The following RPS6KA2 variants were observed in gnomAD, a reference collection of about 807,000 sequenced individuals.
The protein encoded by RPS6KA2 is ribosomal protein S6 kinase alpha-2.
Under a neutral mutation model 91.8 loss-of-function variants are expected in RPS6KA2, and 42 were observed. The observed-to-expected ratio is 0.46, with a 90% CI of 0.36 to 0.59. The LOEUF is 0.59. Ranked by LOEUF, RPS6KA2 falls within the 20% of genes least tolerant of loss-of-function variation. The probability of loss-of-function intolerance (pLI) is 0.00; values close to 1 mark genes in which losing one functional copy is unlikely to be tolerated. For synonymous variants in RPS6KA2, 414 were observed against 393.6 expected (o/e 1.05, Z -0.61); for missense variants, 798 against 978.5 (o/e 0.82, Z 2.46).
At chr6:166,486,961 G>A (rs1334442213) in intron 10 of RPS6KA2, among the ~76,000 whole-genome samples, 5 of 152,290 alleles carry the variant, frequency 3.3e-5, no homozygotes, top group East Asian at 1.9e-4. Flanking sequence ...AGCCGTGGCC[G>A]AGACACCGTC....
rs184769583 is a variant in RPS6KA2, at chr6:166,437,742, A to G, written c.1333-5252T>C. The stretch of plus-strand genomic sequence containing the variant: ...TTCCTGAGCACGGACACATGCAGCC[A>G]TGTGCCAAACAAACACTGCCATTCC... On this transcript the variant is annotated intron_variant, in intron 14 of 20. Transcript: ENST00000265678. This position sits in a 1 kb window ranked among gnomAD's most constrained non-coding sequence, Gnocchi z 4.3. 8.5e-5 allele frequency among the ~76,000 whole-genome samples: 13 copies of G among 152,296 alleles called. 1 individual carries two copies. Among genetic ancestry groups the G allele is most frequent in the Admixed American group, 8.5e-4 (13 of 15,310 alleles).
rs1194174324 is a variant in RPS6KA2 at position 166,494,073 on chromosome 6, C to A, written c.748-3332G>T. On this transcript the variant is annotated intron_variant, in intron 8 of 20. Coordinates refer to ENST00000265678, the MANE Select transcript of RPS6KA2 (RefSeq NM_021135.6). The surrounding 1 kb of genome is among the most constrained non-coding windows in gnomAD (Gnocchi z 5.1). ...ACCATTCTTAAAAGGGCACCAAAAG[C>A]AAGCTAACATTTTAATCTGAAAACA... Among the ~76,000 whole-genome samples the A allele has an allele frequency of 2.0e-5, 3 of 152,188 alleles. No homozygotes were observed. The highest frequency in any genetic ancestry group is 7.2e-5 in the African/African-American group (3 of 41,438).
chr6:166,807,575 G>C (rs1285962242), intron 2 of RPS6KA2, among the ~76,000 whole-genome samples: 2 of 151,808 alleles, frequency 1.3e-5, no homozygotes, highest in Non-Finnish European at 2.9e-5. Context: ...ATCTTAGTCT[G>C]AGTAGCAGCC....
chr6:166,597,815 G>A (rs890069539), intron 1 of RPS6KA2, among the ~76,000 whole-genome samples: 3 of 152,048 alleles, frequency 2.0e-5, no homozygotes, highest in Non-Finnish European at 4.4e-5. Context: ...ACAGATTTCC[G>A]GAGTCCACGG....
chr6:166,646,527 C>T (rs1317378039), intron 2 of RPS6KA2, among the ~76,000 whole-genome samples: 1 of 152,248 alleles, frequency 6.6e-6, no homozygotes, highest in South Asian at 2.1e-4. Flanking sequence ...ATCTGTGCAG[C>T]GCAAGGGCCC....
At chr6:166,439,100 TTTAA>T (rs36181462) in intron 14 of RPS6KA2, among the ~76,000 whole-genome samples, 7 of 135,764 alleles carry the variant, frequency 5.2e-5, no homozygotes, top group African/African-American at 1.8e-4. Context: ...TGTCTTTATT[TTTAA>T]TTAATTAATT....
rs186791283 is a variant in RPS6KA2, at chr6:166,456,134, C to A, written c.1075+3315G>T. Among the ~76,000 whole-genome samples, 632 of 152,316 alleles carry A rather than the reference C, an allele frequency of 4.1e-3. 7 individuals carry two copies. Among genetic ancestry groups the A allele is most frequent in the African/African-American group, 0.015 (606 of 41,568 alleles). On this transcript the variant is annotated intron_variant, in intron 12 of 20. Transcript: ENST00000265678. Reference sequence around the variant, plus strand: ...CAACCAAGAGGCACGGAAGACACAGCCACAACCTTCCGTGGCCAGAGAACC... The same window carrying A: ...CAACCAAGAGGCACGGAAGACACAGACACAACCTTCCGTGGCCAGAGAACC...
At chr6:166,788,641 C>A (rs554809995) in intron 2 of RPS6KA2, among the ~76,000 whole-genome samples, 1 of 152,128 alleles carries the variant, frequency 6.6e-6, no homozygotes, top group East Asian at 1.9e-4. Flanking sequence ...AACAATGAGA[C>A]CACTTGGACT....
chr6:166,755,630 CG>C (rs1777987782), intron 2 of RPS6KA2, among the ~76,000 whole-genome samples: 1 of 152,200 alleles, frequency 6.6e-6, no homozygotes, highest in African/African-American at 2.4e-5. Context: ...TGCTGCGCTC[CG>C]GCCCAGCTTC....
intron 2 of RPS6KA2, among the ~76,000 whole-genome samples, chr6:166,828,599 A>G (rs1780104789): frequency 6.6e-6 from 1 of 152,210 alleles, no homozygotes; most frequent in Non-Finnish European, 1.5e-5. Flanking sequence ...GACTCATCAA[A>G]TTGTCTTGTG....
intron 2 of RPS6KA2, among the ~76,000 whole-genome samples, chr6:166,655,160 A>C (rs1582990453): frequency 6.6e-6 from 1 of 152,220 alleles, no homozygotes. Flanking sequence ...CAAACTATTC[A>C]ATTTACCTTC....
rs572461598 is a variant in RPS6KA2 at position 166,747,182 on chromosome 6, C to A, written c.123+111018G>T. ...GGGGGTTGGGGGTGGGGATGAAAGTCTCAACCCTCTAATCCTGCCTGTGGT... is the reference window on the plus strand; with the variant it reads ...GGGGGTTGGGGGTGGGGATGAAAGTATCAACCCTCTAATCCTGCCTGTGGT... On this transcript the variant is annotated intron_variant, in intron 2 of 21. Transcript: ENST00000503859. 2.6e-5 allele frequency among the ~76,000 whole-genome samples: 4 copies of A among 152,274 alleles called. No individual in the cohort carries two copies. The East Asian group carries it at 7.7e-4, about 29-fold the overall frequency.
chr6:166,463,008 C>T (rs569355605), intron 11 of RPS6KA2: 6 of 152,458 alleles, frequency 3.9e-5, no homozygotes, highest in African/African-American at 9.6e-5. Context: ...GCTGCGTTCT[C>T]ACTCTGGTCT....
At chr6:166,439,094 T>A (rs1779435594) in intron 14 of RPS6KA2, among the ~76,000 whole-genome samples, 1 of 84,766 alleles carries the variant, frequency 1.2e-5, no homozygotes, top group Non-Finnish European at 2.8e-5. Context: ...TTTTCTTGTC[T>A]TTATTTTTAA....
In RPS6KA2 at chr6:166,576,252, T is replaced by C. The variant is rs1784833896; in HGVS notation, c.100-37468A>G. Among the ~76,000 whole-genome samples the C allele has an allele frequency of 2.0e-5, 3 of 152,158 alleles. No homozygotes were observed. The South Asian group carries it at 6.2e-4, about 31-fold the overall frequency. On this transcript the variant is annotated intron_variant, in intron 1 of 20. Transcript: ENST00000265678. ...CTTTATCAGCAGCATGAAAATGGAC[T>C]AATACAGTAAATTGGTACCAGTAGA...
intron 2 of RPS6KA2, among the ~76,000 whole-genome samples, chr6:166,686,207 G>A (rs10946180): frequency 0.013 from 2,020 of 152,160 alleles, 29 homozygotes; most frequent in Non-Finnish European, 0.021. Flanking sequence ...GAGTCCTGCC[G>A]CCAGGAACAG....
At chr6:166,688,168 G>T (rs1297837533) in intron 2 of RPS6KA2, among the ~76,000 whole-genome samples, 2 of 152,200 alleles carry the variant, frequency 1.3e-5, no homozygotes, top group Non-Finnish European at 2.9e-5. Flanking sequence ...AGCTGGCAGG[G>T]CTTCCAGGTT....
intron 1 of RPS6KA2, among the ~76,000 whole-genome samples, chr6:166,575,454 G>A (rs1784812849): frequency 6.6e-6 from 1 of 152,154 alleles, no homozygotes; most frequent in South Asian, 2.1e-4. Flanking sequence ...CCGGTTCATT[G>A]TGTTTATCGT....
intron 2 of RPS6KA2, among the ~76,000 whole-genome samples, chr6:166,647,979 CTCACACACACGCACAT>C (rs1787695222): frequency 9.6e-6 from 1 of 104,158 alleles, no homozygotes; most frequent in Non-Finnish European, 1.9e-5. Flanking sequence ...TACACACATG[CTCACACACACGCACAT>C]GCTCACACAC....
Sources: gnomAD v4.1 joint callset for allele counts (sites outside exome capture counted in the v4.1 genomes callset) on GRCh38, gnomAD v4.1.1 for gene constraint, Gnocchi (gnomAD v3.1) non-coding constraint, MANE v1.5 for transcripts, NCBI Gene and HGNC (gene_info 2026-07-23, HGNC 2026-07-21) for gene names.